GLRA1: variants seen among roughly 807,000 people sequenced by gnomAD.
GLRA1 encodes glycine receptor subunit alpha-1.
A neutral mutation model predicts 48.3 loss-of-function variants in GLRA1; 37 were observed. The observed-to-expected ratio is 0.77, with a 90% CI of 0.59 to 1.01. The LOEUF (loss-of-function observed/expected upper bound fraction) is 1.01. GLRA1 is among the 50% of genes least tolerant of loss of function. The pLI is 0.00. For missense variants in GLRA1, 427 were observed against 571.0 expected (o/e 0.75, Z 2.57); for synonymous variants, 196 against 210.7 (o/e 0.93, Z 0.60).
At position 151,822,813 on chromosome 5, in the gene GLRA1, T is replaced by C. The variant is rs151276682; in HGVS notation, c.1210A>G (p.Met404Val). 2 of 1,614,104 alleles carry C rather than the reference T, an allele frequency of 1.2e-6. No individual in the cohort carries two copies. Among genetic ancestry groups the C allele is most frequent in the Admixed American group, 3.3e-5 (2 of 60,016 alleles). Residue 404 changes from methionine to valine, a missense_variant, in exon 9 of 9, where the codon ATG becomes GTG. Transcript: ENST00000274576. ...GCCCTCTGGATGAAGAGTTTTCGCA[T>C]CTCCTCTGGGGACTTAGATGGTGCA... ...PPAPSKSPEE[M>V]RKLFIQRAKK...
chr5:151,901,216 CCTT>C (rs1442349873), intron 1 of GLRA1, among the ~76,000 whole-genome samples: 1 of 152,188 alleles, frequency 6.6e-6, no homozygotes, highest in Non-Finnish European at 1.5e-5. Flanking sequence ...TTCCTTATGT[CCTT>C]ATTTATAATG....
chr5:151,854,869 C>G (rs574887493), intron 6 of GLRA1, among the ~76,000 whole-genome samples, 171 bp downstream of exon 6: 78 of 152,200 alleles, frequency 5.1e-4, no homozygotes, highest in Non-Finnish European at 9.3e-4. Context: ...GTTACTCACT[C>G]CAGGACTCAC....
chr5:151,826,844 G>T (rs1401556954), intron 8 of GLRA1, among the ~76,000 whole-genome samples: 2 of 152,184 alleles, frequency 1.3e-5, no homozygotes, highest in African/African-American at 4.8e-5. Flanking sequence ...ATCTACTGGA[G>T]CTGTGCAGTG....
chr5:151,919,678 G>A (rs1301399863), intron 1 of GLRA1, among the ~76,000 whole-genome samples: 2 of 152,218 alleles, frequency 1.3e-5, no homozygotes, highest in Non-Finnish European at 2.9e-5. Context: ...ATTTTAGAAC[G>A]TGATTGGCCA....
chr5:151,874,540 G>T (rs1285117245), intron 3 of GLRA1, among the ~76,000 whole-genome samples: 1 of 152,178 alleles, frequency 6.6e-6, no homozygotes, highest in Non-Finnish European at 1.5e-5. Flanking sequence ...TTTAAGCAGT[G>T]TGGTGGGCAC....
Position 151,822,806 on chromosome 5 carries a change from T to G in GLRA1, c.1217A>C (p.Lys406Thr). 6.2e-7 allele frequency: 1 copy of G among 1,614,062 alleles called. No homozygotes were observed. The change falls in exon 9 of 9, where the codon AAA (lysine) becomes ACA (threonine). Residue 406 changes from lysine (K) to threonine (T), a missense_variant. Lys to Thr is a moderately conservative substitution (Grantham distance 78, BLOSUM62 -1). Around this residue, in one of 4 missense-constraint regions of GLRA1, gnomAD observed 121 missense variants for 96.5 expected, o/e 1.25. Transcript: ENST00000274576. ...CTTCTTGGCCCTCTGGATGAAGAGT[T>G]TTCGCATCTCCTCTGGGGACTTAGA... ...APSKSPEEMRKLFIQRAKKID... is the reference protein window; with the variant it reads ...APSKSPEEMRTLFIQRAKKID...
intron 7 of GLRA1, among the ~76,000 whole-genome samples, chr5:151,841,930 G>A (rs1157462875): frequency 6.6e-6 from 1 of 151,972 alleles, no homozygotes; most frequent in Non-Finnish European, 1.5e-5. Flanking sequence ...GGTGGCGTGT[G>A]CCTGTAATCC....
chr5:151,828,357 C>T (rs1044888821), intron 8 of GLRA1, among the ~76,000 whole-genome samples: 20 of 152,184 alleles, frequency 1.3e-4, no homozygotes, highest in Non-Finnish European at 2.4e-4. Flanking sequence ...CAGTGCACAA[C>T]CTCGTGAACA....
At chr5:151,898,766 G>A (rs868478762) in intron 1 of GLRA1, among the ~76,000 whole-genome samples, 2 of 152,296 alleles carry the variant, frequency 1.3e-5, no homozygotes, top group African/African-American at 2.4e-5. Flanking sequence ...CTGTAAAAAC[G>A]AAGGAGTTTG....
At chr5:151,825,386 A>G (rs537213744) in intron 8 of GLRA1, among the ~76,000 whole-genome samples, 1 of 152,266 alleles carries the variant, frequency 6.6e-6, no homozygotes, top group East Asian at 1.9e-4. Context: ...CTTTGGGTGA[A>G]TTATTCTTTG....
intron 8 of GLRA1, among the ~76,000 whole-genome samples, chr5:151,823,303 C>A (rs1255220370): frequency 6.6e-6 from 1 of 152,072 alleles, no homozygotes; most frequent in African/African-American, 2.4e-5. Context: ...TTCATTTTTT[C>A]TTCTACCTGG....
chr5:151,850,075 A>G, intron 7 of GLRA1: 1 of 1,604,072 alleles, frequency 6.2e-7, no homozygotes, highest in Non-Finnish European at 8.5e-7. Flanking sequence ...TTTGGCATGG[A>G]GCAGGAATAT....
At chr5:151,884,913 T>C (rs1245025783) in intron 3 of GLRA1, among the ~76,000 whole-genome samples, 1 of 152,146 alleles carries the variant, frequency 6.6e-6, no homozygotes, top group African/African-American at 2.4e-5. Context: ...TCATTAAGAG[T>C]GCTTGTAAGA....
At chr5:151,874,564 G>A (rs953540094) in intron 3 of GLRA1, among the ~76,000 whole-genome samples, 8 of 152,148 alleles carry the variant, frequency 5.3e-5, no homozygotes, top group African/African-American at 1.9e-4. Context: ...AAATATAGAG[G>A]TGATTGAGGG....
intron 1 of GLRA1, among the ~76,000 whole-genome samples, chr5:151,896,228 A>G (rs1198256747): frequency 6.6e-6 from 1 of 152,226 alleles, no homozygotes; most frequent in African/African-American, 2.4e-5. Flanking sequence ...TCACCCAGCC[A>G]CTGGCTCACT....
chr5:151,880,170 A>G (rs1753726691), intron 3 of GLRA1, among the ~76,000 whole-genome samples: 1 of 152,232 alleles, frequency 6.6e-6, no homozygotes, highest in African/African-American at 2.4e-5. Context: ...CTTTATTAGC[A>G]GTGTGAAAAT....
rs186224029 is a variant in GLRA1 at position 151,853,763 on chromosome 5, A to G, written c.697+1277T>C. Among the ~76,000 whole-genome samples the G allele has an allele frequency of 2.6e-5, 4 of 152,170 alleles. No homozygotes were observed. In the East Asian group the frequency reaches 7.7e-4, roughly 29 times the overall value. ...TTATTGCTTGTGTTTTTGGTGTTAT[A>G]TCTAGGAATCTATTGCCAAATCTAA... On this transcript the variant is annotated intron_variant, in intron 6 of 8. Transcript: ENST00000274576.
intron 3 of GLRA1, among the ~76,000 whole-genome samples, chr5:151,879,981 G>C (rs962681898): frequency 2.6e-5 from 4 of 152,176 alleles, no homozygotes; most frequent in African/African-American, 9.7e-5. Context: ...CACAAGATCT[G>C]ATGTTTACTA....
chr5:151,827,027 C>CTTTTTTTTTTTTTTTTT (rs1581595767), intron 8 of GLRA1, among the ~76,000 whole-genome samples: 1 of 100,188 alleles, frequency 1.0e-5, no homozygotes, highest in African/African-American at 3.6e-5. Context: ...TTCTTTCTTT[C>CTTTTTTTTTTTTTTTTT]TGTTTTTTTT....
Sources: allele counts gnomAD v4.1 joint callset (sites outside exome capture counted in the v4.1 genomes callset), GRCh38; gene constraint gnomAD v4.1.1; regional missense constraint gnomAD v4.1.1; transcripts MANE v1.5; gene names NCBI Gene and HGNC (gene_info 2026-07-23, HGNC 2026-07-21).